Variants in GRIK4 observed in about 807,000 individuals in gnomAD.
GRIK4 encodes glutamate ionotropic receptor kainate type subunit 4.
In GRIK4, 40 loss-of-function variants were observed where a neutral mutation model predicts 104.9. The observed-to-expected ratio is 0.38, with a 90% CI of 0.30 to 0.50. The LOEUF is 0.50. Among genes scored for constraint, GRIK4 ranks in the 20% least tolerant of loss-of-function variants. GRIK4 has a pLI of 0.93. For missense variants in GRIK4, 1,047 were observed against 1,308.1 expected (o/e 0.80, Z 3.08); for synonymous variants, 485 against 524.9 (o/e 0.92, Z 1.04).
In GRIK4 at chr11:120,826,180, T is replaced by C. The variant is rs4075787; in HGVS notation, c.512-5672T>C. 8.9e-3 allele frequency among the ~76,000 whole-genome samples: 1,356 copies of C among 152,340 alleles called. 26 individuals carry two copies. The highest frequency in any genetic ancestry group is 0.031 in the African/African-American group (1,280 of 41,582). Reference sequence around the variant, plus strand: ...ATGGGCTCTATCAACATTCTCATTATATGCAGAAGAAAAGAGAGATTATCT... The same window carrying C: ...ATGGGCTCTATCAACATTCTCATTACATGCAGAAGAAAAGAGAGATTATCT... On this transcript the variant is annotated intron_variant, in intron 6 of 20. Transcript: ENST00000527524.
chr11:120,902,387 C>T lies in GRIK4; in HGVS notation c.1273-2903C>T, dbSNP rs1414095639. Among the ~76,000 whole-genome samples the T allele has an allele frequency of 2.0e-5, 3 of 152,194 alleles. No individual in the cohort carries two copies. Among genetic ancestry groups the T allele is most frequent in the Non-Finnish European group, 4.4e-5 (3 of 68,040 alleles). On this transcript the variant is annotated intron_variant, in intron 12 of 20. Coordinates refer to ENST00000527524, the MANE Select transcript of GRIK4 (RefSeq NM_014619.5). The surrounding 1 kb of genome is among the most constrained non-coding windows in gnomAD (Gnocchi z 4.5). ...ATCCTTGGGCTTTCCAACGCGTCTCCAAGACCGGCCTTGTGTCTGTTCACT... is the reference window on the plus strand; with the variant it reads ...ATCCTTGGGCTTTCCAACGCGTCTCTAAGACCGGCCTTGTGTCTGTTCACT...
intron 3 of GRIK4, among the ~76,000 whole-genome samples, chr11:120,722,517 A>C (rs796681558): frequency 1.3e-5 from 2 of 152,218 alleles, no homozygotes; most frequent in African/African-American, 4.8e-5. Context: ...CTGAGGCAGG[A>C]GAATCACTTG....
chr11:120,580,585 T>C (rs1948567850), intron 1 of GRIK4, among the ~76,000 whole-genome samples: 1 of 150,996 alleles, frequency 6.6e-6, no homozygotes, highest in Non-Finnish European at 1.5e-5. Context: ...TTTTTTTTTT[T>C]AGAAACAGGG....
intron 3 of GRIK4, among the ~76,000 whole-genome samples, chr11:120,787,852 C>CTTTCTTTTT (rs1952314446): frequency 1.3e-5 from 1 of 77,122 alleles, no homozygotes; most frequent in Non-Finnish European, 2.3e-5. Flanking sequence ...CTTTTCTTTT[C>CTTTCTTTTT]TTTTTTTTTT....
intron 16 of GRIK4, among the ~76,000 whole-genome samples, chr11:120,958,413 T>A (rs1266039582): frequency 1.3e-5 from 2 of 152,228 alleles, no homozygotes; most frequent in Non-Finnish European, 2.9e-5. Flanking sequence ...CAGCCCCGAC[T>A]CCAGGTGGTC....
chr11:120,818,105 G>C (rs1028502007), intron 5 of GRIK4, among the ~76,000 whole-genome samples: 3 of 152,200 alleles, frequency 2.0e-5, no homozygotes, highest in Admixed American at 6.5e-5. Context: ...ACCTTCCTGA[G>C]TCCTTCCCAT....
At chr11:120,949,613 G>C (rs1943950335) in intron 14 of GRIK4, among the ~76,000 whole-genome samples, 1 of 152,180 alleles carries the variant, frequency 6.6e-6, no homozygotes, top group African/African-American at 2.4e-5. Flanking sequence ...TACTCTAAGG[G>C]GGTGTGTAGG....
At position 120,751,061 on chromosome 11, in the gene GRIK4, G is replaced by A. The variant is rs74454710; in HGVS notation, c.83-51632G>A. Among the ~76,000 whole-genome samples the A allele has an allele frequency of 1.3e-3, 191 of 152,270 alleles. 1 individual carries two copies. Among genetic ancestry groups the A allele is most frequent in the African/African-American group, 4.4e-3 (184 of 41,576 alleles). On this transcript the variant is annotated intron_variant, in intron 3 of 20. Transcript: ENST00000527524. Reference sequence around the variant, plus strand: ...TGCATCTAAGTTGACCTGTGTACAGGGGACACAGGGTGGGAAGACCCCAGT... The same window carrying A: ...TGCATCTAAGTTGACCTGTGTACAGAGGACACAGGGTGGGAAGACCCCAGT...
chr11:120,914,254 A>G (rs900762565), intron 13 of GRIK4, among the ~76,000 whole-genome samples: 1 of 152,264 alleles, frequency 6.6e-6, no homozygotes, highest in Admixed American at 6.5e-5. Context: ...AGTGTGACAC[A>G]TGCTATATTA....
In GRIK4 at chr11:120,836,884, T is replaced by A. The variant is rs771292892; in HGVS notation, c.744+40T>A. The A allele has an allele frequency of 4.0e-6, 5 of 1,250,718 alleles. No individual in the cohort carries two copies. In the African/African-American group the frequency reaches 5.9e-5, roughly 15 times the overall value. 77.5% of individuals were successfully genotyped at this position (1,250,718 alleles called of 1,614,324 possible). On this transcript the variant is annotated intron_variant, in intron 8 of 20. Transcript: ENST00000527524. ...CAGCTCACCTCCTTGGAAGAGAGTG[T>A]TGTCAGTGGTCAGGATTGATGGATT...
intron 3 of GRIK4, among the ~76,000 whole-genome samples, chr11:120,668,611 A>G (rs1317605462): frequency 6.6e-6 from 1 of 152,084 alleles, no homozygotes; most frequent in Non-Finnish European, 1.5e-5. Context: ...AGTCTCTTCC[A>G]CCTGGACTCA....
intron 1 of GRIK4, among the ~76,000 whole-genome samples, chr11:120,583,913 T>C (rs1948622108): frequency 6.6e-6 from 1 of 152,240 alleles, no homozygotes; most frequent in African/African-American, 2.4e-5. Context: ...TAATTCTTGT[T>C]GTAGGGATCT....
intron 3 of GRIK4, among the ~76,000 whole-genome samples, chr11:120,786,134 A>G (rs1387301345): frequency 6.6e-6 from 1 of 151,994 alleles, no homozygotes; most frequent in Non-Finnish European, 1.5e-5. Flanking sequence ...CCCCATCATC[A>G]TCAGTGTCCA....
At chr11:120,807,371 T>C (rs1222085897) in intron 4 of GRIK4, among the ~76,000 whole-genome samples, 2 of 152,190 alleles carry the variant, frequency 1.3e-5, no homozygotes, top group African/African-American at 4.8e-5. Flanking sequence ...GGCTTCCCTG[T>C]CAACCCCTCC....
intron 1 of GRIK4, among the ~76,000 whole-genome samples, chr11:120,580,383 C>T (rs1948563507): frequency 2.6e-5 from 4 of 151,924 alleles, no homozygotes; most frequent in Admixed American, 2.0e-4. Flanking sequence ...TCAAGTGATT[C>T]TCCTGCCTCA....
intron 3 of GRIK4, among the ~76,000 whole-genome samples, chr11:120,732,613 A>G (rs1202417577): frequency 6.6e-6 from 1 of 152,022 alleles, no homozygotes; most frequent in African/African-American, 2.4e-5. Context: ...ATTCGGGAGC[A>G]TATTGTTTAT....
At chr11:120,613,577 A>G (rs992524228) in intron 1 of GRIK4, among the ~76,000 whole-genome samples, 5 of 152,222 alleles carry the variant, frequency 3.3e-5, no homozygotes, top group Non-Finnish European at 2.9e-5. Flanking sequence ...ATGTGTACAC[A>G]TTGTTCTTGC....
At chr11:120,976,126 A>G (rs1467659266) in intron 19 of GRIK4, among the ~76,000 whole-genome samples, 2 of 152,234 alleles carry the variant, frequency 1.3e-5, no homozygotes, top group African/African-American at 2.4e-5. Context: ...CTTTAACTGT[A>G]AAGTGGGGAC....
intron 3 of GRIK4, among the ~76,000 whole-genome samples, chr11:120,662,014 A>C (rs749986576): frequency 6.6e-6 from 1 of 152,194 alleles, no homozygotes; most frequent in Non-Finnish European, 1.5e-5. Flanking sequence ...CTCCCTCTCT[A>C]AATGAGTGAA....
Sources: allele counts gnomAD v4.1 joint callset (sites outside exome capture counted in the v4.1 genomes callset), GRCh38; gene constraint gnomAD v4.1.1; non-coding constraint Gnocchi (gnomAD v3.1); transcripts MANE v1.5; gene names NCBI Gene and HGNC (gene_info 2026-07-23, HGNC 2026-07-21).